ADGRL3: variants seen among roughly 807,000 people sequenced by gnomAD.
The protein encoded by ADGRL3 is calcium-independent alpha-latrotoxin receptor 3.
Under a neutral mutation model 153.5 loss-of-function variants are expected in ADGRL3, and 62 were observed. The observed-to-expected ratio is 0.40, with a 90% CI of 0.33 to 0.50. The LOEUF (loss-of-function observed/expected upper bound fraction) is 0.50, where lower values mean the gene tolerates loss of function less well. Among genes scored for constraint, ADGRL3 ranks in the 20% least tolerant of loss-of-function variants. The probability of loss-of-function intolerance (pLI) is 0.47; values close to 1 mark genes in which losing one functional copy is unlikely to be tolerated. For missense variants in ADGRL3, 1,641 were observed against 1,859.4 expected, an observed-to-expected ratio of 0.88 and a Z score of 2.16; for synonymous variants, 710 against 672.5, an observed-to-expected ratio of 1.06 and a Z score of -0.86.
intron 1 of ADGRL3, among the ~76,000 whole-genome samples, chr4:61,278,458 G>A (rs190352240): frequency 2.0e-5 from 3 of 152,172 alleles, no homozygotes; most frequent in Non-Finnish European, 4.4e-5. Context: ...CATGACATCA[G>A]ATTCCAAAAT....
At chr4:61,480,394 T>C (rs1406134534) in intron 2 of ADGRL3, among the ~76,000 whole-genome samples, 1 of 152,202 alleles carries the variant, frequency 6.6e-6, no homozygotes, top group Non-Finnish European at 1.5e-5. Context: ...AATATTTTGT[T>C]GTCTAAATAT....
chr4:61,611,765 T>G (rs2091380402), intron 5 of ADGRL3, among the ~76,000 whole-genome samples: 1 of 151,866 alleles, frequency 6.6e-6, no homozygotes, highest in Non-Finnish European at 1.5e-5. Flanking sequence ...TGCAAAAAAT[T>G]TAACAATGTA....
chr4:61,646,105 G>A (rs1281010776), intron 5 of ADGRL3, among the ~76,000 whole-genome samples: 5 of 151,890 alleles, frequency 3.3e-5, no homozygotes, highest in Non-Finnish European at 5.9e-5. Context: ...CATTCTTTAC[G>A]TAGTTCTCGA....
chr4:61,815,120 G>A (rs776045318), intron 9 of ADGRL3, among the ~76,000 whole-genome samples: 7 of 152,116 alleles, frequency 4.6e-5, no homozygotes, highest in African/African-American at 9.7e-5. Flanking sequence ...AATGATAAGC[G>A]AATCCCATGA....
intron 5 of ADGRL3, among the ~76,000 whole-genome samples, chr4:61,650,778 C>T (rs1052080900): frequency 6.6e-6 from 1 of 151,952 alleles, no homozygotes; most frequent in South Asian, 2.1e-4. Flanking sequence ...GATTAGAGTG[C>T]ATACTTCACC....
At chr4:61,390,841 CT>C (rs1378480227) in intron 2 of ADGRL3, among the ~76,000 whole-genome samples, 1 of 152,154 alleles carries the variant, frequency 6.6e-6, no homozygotes, top group African/African-American at 2.4e-5. Context: ...GCCTCTGCCC[CT>C]AACTCCCCGG....
intron 1 of ADGRL3, among the ~76,000 whole-genome samples, chr4:61,343,244 C>CA (rs1287834545): frequency 6.6e-6 from 1 of 152,154 alleles, no homozygotes; most frequent in East Asian, 1.9e-4. Context: ...TTTTAATTTT[C>CA]AAAACCACAA....
chr4:61,910,375 A>C (rs549066624), intron 12 of ADGRL3, among the ~76,000 whole-genome samples: 1 of 151,908 alleles, frequency 6.6e-6, no homozygotes, highest in East Asian at 1.9e-4. Context: ...TTGTAAGTAA[A>C]ATAAATTATT....
intron 10 of ADGRL3, among the ~76,000 whole-genome samples, chr4:61,893,392 C>A (rs1047863486): frequency 1.1e-4 from 17 of 152,116 alleles, no homozygotes; most frequent in African/African-American, 3.9e-4. Context: ...TTCTATACAG[C>A]AGTCCAGAGG....
At chr4:61,417,716 C>A (rs11939825) in intron 2 of ADGRL3, among the ~76,000 whole-genome samples, 6,106 of 138,392 alleles carry the variant, frequency 0.044, 351 homozygotes, top group East Asian at 0.22. Flanking sequence ...TTTTTTTTTT[C>A]ACTTTTAGAG....
chr4:61,239,330 G>A (rs962671465), intron 1 of ADGRL3, among the ~76,000 whole-genome samples: 6 of 152,104 alleles, frequency 3.9e-5, no homozygotes, highest in South Asian at 2.1e-4. Context: ...TGCTTAATGT[G>A]TATCAAACTT....
intron 1 of ADGRL3, among the ~76,000 whole-genome samples, chr4:61,370,513 G>T (rs1338309494): frequency 2.0e-5 from 3 of 152,132 alleles, no homozygotes; most frequent in Non-Finnish European, 4.4e-5. Context: ...GGAGCAGGTT[G>T]TTCAGTTTCC....
chr4:61,458,758 G>A (rs1405190701), intron 2 of ADGRL3, among the ~76,000 whole-genome samples: 2 of 151,220 alleles, frequency 1.3e-5, no homozygotes, highest in Admixed American at 1.3e-4. Flanking sequence ...ATACATTTTA[G>A]GTTATTAGAT....
At chr4:61,502,407 C>A (rs537438225) in intron 3 of ADGRL3, among the ~76,000 whole-genome samples, 7 of 151,314 alleles carry the variant, frequency 4.6e-5, no homozygotes, top group Non-Finnish European at 1.0e-4. Flanking sequence ...TAACGGCGAG[C>A]GGTATGTTTT....
chr4:61,412,967 C>T (rs1560592165), intron 2 of ADGRL3, among the ~76,000 whole-genome samples: 1 of 152,132 alleles, frequency 6.6e-6, no homozygotes, highest in Non-Finnish European at 1.5e-5. Context: ...CCTGGTTCCT[C>T]ATATAATGAA....
At chr4:61,560,544 G>A (rs1255458604) in intron 4 of ADGRL3, among the ~76,000 whole-genome samples, 1 of 152,096 alleles carries the variant, frequency 6.6e-6, no homozygotes, top group Non-Finnish European at 1.5e-5. Flanking sequence ...TAGTAACTAT[G>A]GGGGATACCT....
intron 11 of ADGRL3, among the ~76,000 whole-genome samples, chr4:61,898,333 C>T (rs182430751): frequency 2.8e-4 from 42 of 152,232 alleles, no homozygotes; most frequent in African/African-American, 9.4e-4. Context: ...ATACCCATGG[C>T]TCATCATCTA....
intron 1 of ADGRL3, among the ~76,000 whole-genome samples, chr4:61,381,293 T>TTG (rs55767359): frequency 0.29 from 40,760 of 141,054 alleles, 5,880 homozygotes; most frequent in Non-Finnish European, 0.35. Flanking sequence ...ATAAACAAGT[T>TTG]TGTGTGTGTG....
At chr4:61,627,733 T>G (rs576127009) in intron 5 of ADGRL3, among the ~76,000 whole-genome samples, 1 of 152,262 alleles carries the variant, frequency 6.6e-6, no homozygotes, top group East Asian at 1.9e-4. Flanking sequence ...AATGGTAGGG[T>G]TTGGGTATTT....
Sources: allele counts gnomAD v4.1 joint callset (sites outside exome capture counted in the v4.1 genomes callset), GRCh38; gene constraint gnomAD v4.1.1; transcripts MANE v1.5; gene names NCBI Gene and HGNC (gene_info 2026-07-23, HGNC 2026-07-21).